WARS1: variants seen among roughly 807,000 people sequenced by gnomAD.
WARS1 encodes tryptophan--tRNA ligase, cytoplasmic.
Under a neutral mutation model 47.8 loss-of-function variants are expected in WARS1, and 17 were observed. The ratio of observed to expected loss-of-function variants is 0.36; its 90% confidence interval spans 0.24 to 0.53. The LOEUF (loss-of-function observed/expected upper bound fraction) is 0.53, where lower values mean the gene tolerates loss of function less well. Among genes scored for constraint, WARS1 ranks in the 20% least tolerant of loss-of-function variants. WARS1 has a pLI of 0.91. For missense variants in WARS1, 434 were observed against 608.0 expected (o/e 0.71, Z 3.01); for synonymous variants, 208 against 228.1 (o/e 0.91, Z 0.79).
chr14:100,372,690 T>C (rs1464837285), intron 1 of WARS1, among the ~76,000 whole-genome samples: 1 of 152,200 alleles, frequency 6.6e-6, no homozygotes, highest in African/African-American at 2.4e-5. Flanking sequence ...TCATCAATCA[T>C]CATGTCCAGA....
chr14:100,358,939 G>A (rs1475401591), intron 4 of WARS1, among the ~76,000 whole-genome samples: 1 of 152,086 alleles, frequency 6.6e-6, no homozygotes, highest in Non-Finnish European at 1.5e-5. Context: ...TTGTCATTAG[G>A]GAAATACAAT....
chr14:100,347,371 C>A (rs532359376), intron 6 of WARS1, among the ~76,000 whole-genome samples: 1 of 152,292 alleles, frequency 6.6e-6, no homozygotes, highest in Non-Finnish European at 1.5e-5. Flanking sequence ...CTGCTCCCCC[C>A]TGCTGTTTGG....
intron 8 of WARS1, 112 bp downstream of exon 8, chr14:100,343,163 C>T: frequency 1.1e-6 from 1 of 875,506 alleles, no homozygotes; most frequent in Non-Finnish European, 1.6e-6. Flanking sequence ...AGGCGTGAGC[C>T]ACCCTGCCTG....
chr14:100,352,052 TC>T (rs1341729484), intron 6 of WARS1, among the ~76,000 whole-genome samples: 9 of 151,088 alleles, frequency 6.0e-5, no homozygotes, highest in Admixed American at 4.0e-4. Flanking sequence ...GGGCGAGATT[TC>T]CTATCAGGGT....
intron 9 of WARS1, 51 bp downstream of exon 9, chr14:100,342,347 A>G: frequency 6.2e-7 from 1 of 1,607,498 alleles, no homozygotes; most frequent in Non-Finnish European, 8.5e-7. Context: ...TGTGCCCCCC[A>G]GGGCATGTTT....
chr14:100,356,257 A>T lies in WARS1; in HGVS notation c.423-1691T>A, dbSNP rs2140015139. ...CTATGCTTTCCTAAGCCAAGAGGCT[A>T]CAGTATTACTATACTGCAGTTAATA... On this transcript the variant is annotated intron_variant, in intron 4 of 10. Transcript: ENST00000392882. 1.3e-5 allele frequency among the ~76,000 whole-genome samples: 2 copies of T among 152,298 alleles called. 1 individual carries two copies. Among genetic ancestry groups the T allele is most frequent in the Non-Finnish European group, 2.9e-5 (2 of 68,024 alleles).
intron 7 of WARS1, among the ~76,000 whole-genome samples, chr14:100,343,862 T>TGACCTCGTGATCTGCC (rs1894341396): frequency 6.6e-6 from 1 of 152,142 alleles, no homozygotes; most frequent in African/African-American, 2.4e-5. Flanking sequence ...CTCAATCTCT[T>TGACCTCGTGATCTGCC]GACCTCGTGA....
chr14:100,361,944 TG>T (rs757535830), intron 2 of WARS1, 23 bp from the exon 3 acceptor site: 14 of 1,611,266 alleles, frequency 8.7e-6, no homozygotes, highest in Non-Finnish European at 1.2e-5. Context: ...ATAAAAGGGA[TG>T]GCTAAAAGTA....
At chr14:100,365,952 A>C in intron 2 of WARS1, 2 of 451,716 alleles carry the variant, frequency 4.4e-6, no homozygotes, top group Non-Finnish European at 8.9e-6. Flanking sequence ...TTGCGCACTT[A>C]CAGGAGTGGG....
In WARS1 at chr14:100,345,127, A is replaced by C. The variant is rs1466461962; in HGVS notation, c.826+1619T>G. Among the ~76,000 whole-genome samples, 37 of 131,680 alleles carry C rather than the reference A, an allele frequency of 2.8e-4. No homozygotes were observed. The South Asian group carries it at 8.5e-3, about 30-fold the overall frequency. The allele number at this position is 131,680 out of a possible 152,430, so 86.4% of individuals were successfully genotyped here. Reference sequence around the variant, plus strand: ...CTCTGCCCGGCCGCCCCTACTGGGAAGTGAGGAGCCCCTCTGCCCGGCCAC... The same window carrying C: ...CTCTGCCCGGCCGCCCCTACTGGGACGTGAGGAGCCCCTCTGCCCGGCCAC... On this transcript the variant is annotated intron_variant, in intron 7 of 10. Transcript: ENST00000392882.
intron 4 of WARS1, among the ~76,000 whole-genome samples, chr14:100,356,679 A>C (rs570430012): frequency 2.0e-5 from 3 of 152,320 alleles, no homozygotes; most frequent in Admixed American, 6.5e-5. Flanking sequence ...GAAAAGCCCA[A>C]AACCCCATTT....
chr14:100,342,159 A>AT, intron 9 of WARS1: 1 of 553,508 alleles, frequency 1.8e-6, no homozygotes, highest in Non-Finnish European at 3.2e-6. Context: ...AAAAAAAGAA[A>AT]AAAAATTCAA....
chr14:100,366,876 C>G (rs1896031563), intron 2 of WARS1: 3 of 1,607,480 alleles, frequency 1.9e-6, no homozygotes, highest in South Asian at 1.1e-5. Flanking sequence ...GCTGTAGGAG[C>G]TGAATATTAC....
At chr14:100,340,916 T>C (rs1033166440) in intron 9 of WARS1, among the ~76,000 whole-genome samples, 118 of 126,006 alleles carry the variant, frequency 9.4e-4, no homozygotes, top group African/African-American at 2.9e-3. Context: ...TTTTTTCTTT[T>C]CTTTTTTTTT....
At chr14:100,335,963 A>G (rs1409623556) in intron 10 of WARS1, among the ~76,000 whole-genome samples, 1 of 149,354 alleles carries the variant, frequency 6.7e-6, no homozygotes, top group Non-Finnish European at 1.5e-5. Flanking sequence ...TGTCACTAAA[A>G]CTTTTTTTTT....
At chr14:100,356,401 G>T (rs1247477449) in intron 4 of WARS1, among the ~76,000 whole-genome samples, 1 of 134,916 alleles carries the variant, frequency 7.4e-6, no homozygotes, top group Non-Finnish European at 1.5e-5. Context: ...GTGTGTGTGG[G>T]GGGGGGTGTG....
Position 100,334,813 on chromosome 14 carries a change from G to A in WARS1, c.*62C>T. 5.1e-6 allele frequency: 8 copies of A among 1,579,846 alleles called. No homozygotes were observed. In the East Asian group the frequency reaches 1.8e-4, roughly 35 times the overall value. On this transcript the variant is annotated 3_prime_UTR_variant, in exon 11 of 11. Coordinates refer to ENST00000392882, the MANE Select transcript of WARS1 (RefSeq NM_004184.4). Reference sequence around the variant, plus strand: ...CTACAGGTGGCGGTGCTTTGACTGGGCTGGGATTATTGATACATTACTGAT... The same window carrying A: ...CTACAGGTGGCGGTGCTTTGACTGGACTGGGATTATTGATACATTACTGAT...
chr14:100,354,372 G>A, intron 5 of WARS1, 75 bp downstream of exon 5: 2 of 1,564,220 alleles, frequency 1.3e-6, no homozygotes, highest in South Asian at 2.4e-5. Context: ...GATCTTGTCA[G>A]TTCTAAACAT....
chr14:100,347,374 C>T (rs1338686014), intron 6 of WARS1, among the ~76,000 whole-genome samples: 1 of 152,170 alleles, frequency 6.6e-6, no homozygotes, highest in East Asian at 1.9e-4. Flanking sequence ...CTCCCCCCTG[C>T]TGTTTGGGCA....
Sources: gnomAD v4.1 joint callset for allele counts (sites outside exome capture counted in the v4.1 genomes callset) on GRCh38, gnomAD v4.1.1 for gene constraint, MANE v1.5 for transcripts, NCBI Gene and HGNC (gene_info 2026-07-23, HGNC 2026-07-21) for gene names.